The following CSRP3 variants were observed in gnomAD, a reference collection of about 807,000 sequenced individuals.
The protein encoded by CSRP3 is cysteine and glycine-rich protein 3.
Under a neutral mutation model 24.3 loss-of-function variants are expected in CSRP3, and 24 were observed. The ratio of observed to expected loss-of-function variants is 0.99; its 90% CI spans 0.71 to 1.39. CSRP3 has a LOEUF of 1.39. CSRP3 is among the 40% of genes most tolerant of loss of function. The probability of loss-of-function intolerance (pLI) is 0.00; values close to 1 mark genes in which losing one functional copy is unlikely to be tolerated. For synonymous variants in CSRP3, 105 were observed against 94.0 expected, an observed-to-expected ratio of 1.12 and a Z score of -0.68; for missense variants, 240 against 249.0, an observed-to-expected ratio of 0.96 and a Z score of 0.24.
chr11:19,184,770 T>G (rs972007159), intron 5 of CSRP3, among the ~76,000 whole-genome samples, 182 bp downstream of exon 5: 1 of 152,198 alleles, frequency 6.6e-6, no homozygotes, highest in Non-Finnish European at 1.5e-5. Flanking sequence ...GGACCAGAGC[T>G]GGGTCAGGTG....
chr11:19,198,588 T>C (rs1850782306), intron 1 of CSRP3, among the ~76,000 whole-genome samples: 1 of 152,252 alleles, frequency 6.6e-6, no homozygotes, highest in Admixed American at 6.5e-5. Context: ...CTTTAAGCCC[T>C]GAGACAGATT....
chr11:19,200,168 A>G (rs1318591781), intron 1 of CSRP3, among the ~76,000 whole-genome samples: 2 of 152,120 alleles, frequency 1.3e-5, no homozygotes, highest in Non-Finnish European at 2.9e-5. Context: ...GTTATATTAA[A>G]CTTTACAAAA....
At chr11:19,190,693 G>A (rs532233591) in intron 2 of CSRP3, among the ~76,000 whole-genome samples, 1 of 152,322 alleles carries the variant, frequency 6.6e-6, no homozygotes, top group Non-Finnish European at 1.5e-5. Flanking sequence ...ATGTAAGGTA[G>A]ACCCTGCGTC....
At chr11:19,197,631 G>A (rs1053340888) in intron 1 of CSRP3, among the ~76,000 whole-genome samples, 1 of 148,132 alleles carries the variant, frequency 6.8e-6, no homozygotes, top group South Asian at 2.2e-4. Flanking sequence ...AAAAGTGGTG[G>A]GTACATAAAA....
intron 1 of CSRP3, among the ~76,000 whole-genome samples, chr11:19,201,131 T>C (rs893203688): frequency 6.6e-6 from 1 of 151,046 alleles, no homozygotes; most frequent in African/African-American, 2.4e-5. Context: ...ATGTCTGTCA[T>C]TCACTGGGAT....
intron 1 of CSRP3, among the ~76,000 whole-genome samples, chr11:19,193,030 A>C (rs1181386000): frequency 1.3e-5 from 2 of 152,312 alleles, no homozygotes; most frequent in East Asian, 3.9e-4. Context: ...GGGTAGCAAA[A>C]TCTTAGCTTA....
intron 1 of CSRP3, among the ~76,000 whole-genome samples, chr11:19,192,798 A>T (rs988947228): frequency 1.3e-5 from 2 of 151,938 alleles, no homozygotes; most frequent in African/African-American, 4.8e-5. Context: ...ATATACAAAG[A>T]TCGTTTTTTT....
chr11:19,188,367 C>A (rs1349066077), intron 2 of CSRP3, 63 bp from the exon 3 acceptor site: 2 of 1,574,340 alleles, frequency 1.3e-6, no homozygotes, highest in Non-Finnish European at 1.7e-6. Flanking sequence ...CTTTGCACTC[C>A]CAATGCCATG....
At chr11:19,195,723 C>T (rs749080927) in intron 1 of CSRP3, among the ~76,000 whole-genome samples, 27 of 151,810 alleles carry the variant, frequency 1.8e-4, no homozygotes, top group Non-Finnish European at 2.8e-4. Flanking sequence ...GGATTCATTG[C>T]CTAGGCATAC....
intron 1 of CSRP3, among the ~76,000 whole-genome samples, chr11:19,194,770 A>T (rs780859589): frequency 2.6e-5 from 4 of 152,184 alleles, no homozygotes; most frequent in Non-Finnish European, 5.9e-5. Context: ...AACTAGAAAG[A>T]GTAATGGATT....
At chr11:19,187,861 A>G (rs1850552122) in intron 3 of CSRP3, among the ~76,000 whole-genome samples, 1 of 152,248 alleles carries the variant, frequency 6.6e-6, no homozygotes, top group African/African-American at 2.4e-5. Context: ...AGGTCAAACA[A>G]TGGAACATCT....
chr11:19,194,311 A>T lies in CSRP3; in HGVS notation c.-28-1835T>A, dbSNP rs774768800. On this transcript the variant is annotated intron_variant, in intron 1 of 5. Coordinates refer to ENST00000265968, the MANE Select transcript of CSRP3 (RefSeq NM_003476.5). ...AGAAAAACTGTGAGGTTAGCCAGGA[A>T]CATCCTATCCTTCCTCTCACAGAAG... Among the ~76,000 whole-genome samples the T allele has an allele frequency of 5.9e-5, 9 of 152,230 alleles. No homozygotes were observed. In the South Asian group the frequency reaches 1.0e-3, roughly 18 times the overall value.
chr11:19,198,449 T>G (rs1258871982), intron 1 of CSRP3, among the ~76,000 whole-genome samples: 1 of 152,256 alleles, frequency 6.6e-6, no homozygotes, highest in East Asian at 1.9e-4. Context: ...AATGACTTTC[T>G]GAGTTACGGC....
intron 1 of CSRP3, among the ~76,000 whole-genome samples, chr11:19,200,085 T>C (rs539483673): frequency 3.3e-5 from 5 of 151,266 alleles, no homozygotes; most frequent in Admixed American, 2.0e-4. Flanking sequence ...CGCTTGTACT[T>C]AGCAGGAAAC....
intron 4 of CSRP3, among the ~76,000 whole-genome samples, chr11:19,185,756 G>A (rs1218465050): frequency 6.6e-6 from 1 of 152,222 alleles, no homozygotes; most frequent in Non-Finnish European, 1.5e-5. Context: ...ATATGCATGA[G>A]TGTCTCGGAC....
rs45476991 is a variant in CSRP3, at chr11:19,188,204, G to A, written c.213C>T (p.Ile71=). ...CYGRRYGPKG[I]GYGQGAGCLS... The stretch of plus-strand genomic sequence containing the variant: ...GACAGCCAGCGCCTTGTCCATACCC[G>A]ATCCCTTTGGGGCCATATCTGCGCC... The change falls in exon 3 of 6, where the codon ATC becomes ATT. Residue 71 remains isoleucine, a synonymous_variant. Coordinates refer to ENST00000265968, the MANE Select transcript of CSRP3 (RefSeq NM_003476.5). 12,242 of 1,613,806 alleles carry A rather than the reference G, an allele frequency of 7.6e-3. 71 individuals are homozygous for A. The highest frequency in any genetic ancestry group is 9.1e-3 in the Non-Finnish European group (10,720 of 1,180,018).
At position 19,182,350 on chromosome 11, in the gene CSRP3, T is replaced by C. The variant is rs1417969490; in HGVS notation, c.*320A>G. 3.1e-6 allele frequency: 1 copy of C among 323,106 alleles called. No homozygotes were observed. Among genetic ancestry groups the C allele is most frequent in the African/African-American group, 2.1e-5 (1 of 48,248 alleles). 20.0% of individuals were successfully genotyped at this position (323,106 alleles called of 1,614,324 possible). ...TATTATATGCTCTGCAACTCGTTTT[T>C]TGAACTAGCTTTATGTTTTTGAAAA... On this transcript the variant is annotated 3_prime_UTR_variant, in exon 6 of 6. Coordinates refer to ENST00000265968, the MANE Select transcript of CSRP3 (RefSeq NM_003476.5).
At chr11:19,191,039 T>TA (rs1178243326) in intron 2 of CSRP3, among the ~76,000 whole-genome samples, 2 of 152,216 alleles carry the variant, frequency 1.3e-5, no homozygotes, top group Non-Finnish European at 2.9e-5. Context: ...CAAAGGAGAA[T>TA]ACAGGCCTAG....
In CSRP3 at chr11:19,182,876, G is replaced by A. The variant is rs72904149; in HGVS notation, c.509-130C>T. 28,380 of 743,560 alleles carry A rather than the reference G, an allele frequency of 0.038. 728 individuals are homozygous for A. Among genetic ancestry groups the A allele is most frequent in the Non-Finnish European group, 0.053 (22,069 of 416,582 alleles). The allele number at this position is 743,560 out of a possible 1,614,324, so 46.1% of individuals were successfully genotyped here. Reference sequence around the variant, plus strand: ...TTTTGATAGATTTATGCATAAGTTCGCCAGGCACGGTGGCTCATGCCTGTA... The same window carrying A: ...TTTTGATAGATTTATGCATAAGTTCACCAGGCACGGTGGCTCATGCCTGTA... On this transcript the variant is annotated intron_variant, in intron 5 of 5. Transcript: ENST00000265968.
Sources: allele counts gnomAD v4.1 joint callset (sites outside exome capture counted in the v4.1 genomes callset), GRCh38; gene constraint gnomAD v4.1.1; transcripts MANE v1.5; gene names NCBI Gene and HGNC (gene_info 2026-07-23, HGNC 2026-07-21).